HNRNPC: variants seen among roughly 807,000 people sequenced by gnomAD.
The protein encoded by HNRNPC is heterogeneous nuclear ribonucleoproteins C1/C2.
Under a neutral mutation model 33.2 loss-of-function variants are expected in HNRNPC, and 3 were observed. The ratio of observed to expected loss-of-function variants is 0.09; its 90% CI spans 0.04 to 0.23. HNRNPC has a LOEUF of 0.23. HNRNPC is among the 10% of genes least tolerant of loss of function. The probability of loss-of-function intolerance (pLI) is 1.00; values close to 1 mark genes in which losing one functional copy is unlikely to be tolerated. For missense variants in HNRNPC, 143 were observed against 366.7 expected (o/e 0.39, Z 4.98); for synonymous variants, 121 against 126.7 (o/e 0.96, Z 0.30).
At chr14:21,244,742 T>TACCACAC (rs1895766281) in intron 2 of HNRNPC, among the ~76,000 whole-genome samples, 1 of 152,212 alleles carries the variant, frequency 6.6e-6, no homozygotes, top group Non-Finnish European at 1.5e-5. Flanking sequence ...TAGTGTAGCC[T>TACCACAC]ACCACACACC....
At position 21,213,667 on chromosome 14, in the gene HNRNPC, C is replaced by G. The variant is rs1891858701; in HGVS notation, c.366-550G>C. On this transcript the variant is annotated intron_variant, in intron 5 of 8. Transcript: ENST00000553300. Reference sequence around the variant, plus strand: ...ATATAAAATTTCAGATCTATAAAATCAGGGCAATTTCATGTAACTGAGGGA... The same window carrying G: ...ATATAAAATTTCAGATCTATAAAATGAGGGCAATTTCATGTAACTGAGGGA... Among the ~76,000 whole-genome samples, 4 of 152,132 alleles carry G rather than the reference C, an allele frequency of 2.6e-5. 1 individual carries two copies. The highest frequency in any genetic ancestry group is 2.0e-4 in the Admixed American group (3 of 15,276).
At chr14:21,228,510 T>C (rs964576562) in intron 5 of HNRNPC, among the ~76,000 whole-genome samples, 1 of 151,874 alleles carries the variant, frequency 6.6e-6, no homozygotes, top group Admixed American at 6.6e-5. Flanking sequence ...TCCTACATCA[T>C]CCTCCTGAGT....
chr14:21,257,510 C>A (rs748164588), intron 2 of HNRNPC, among the ~76,000 whole-genome samples: 7 of 151,532 alleles, frequency 4.6e-5, no homozygotes, highest in Non-Finnish European at 7.4e-5. Flanking sequence ...TCTTTTTTAA[C>A]CACAAATAAT....
intron 2 of HNRNPC, among the ~76,000 whole-genome samples, chr14:21,242,773 C>A (rs1298755789): frequency 6.6e-6 from 1 of 152,194 alleles, no homozygotes; most frequent in African/African-American, 2.4e-5. Flanking sequence ...CGCATTATCA[C>A]CTACGCATTA....
In HNRNPC at chr14:21,250,209, C is replaced by T. The variant is rs977064883; in HGVS notation, c.-37+13102G>A. Among the ~76,000 whole-genome samples, 7 of 151,618 alleles carry T rather than the reference C, an allele frequency of 4.6e-5. No homozygotes were observed. The East Asian group carries it at 1.4e-3, about 29-fold the overall frequency. The stretch of plus-strand genomic sequence containing the variant: ...CAGAGGTTGCAGTGAGCCGAGATCG[C>T]ACCACTGCACTCCAGCCTGGGCAAC... On this transcript the variant is annotated intron_variant, in intron 2 of 8. Coordinates refer to ENST00000553300, the MANE Select transcript of HNRNPC (RefSeq NM_004500.4).
intron 5 of HNRNPC, among the ~76,000 whole-genome samples, chr14:21,226,771 C>G (rs895964949): frequency 1.3e-5 from 2 of 150,210 alleles, no homozygotes; most frequent in Non-Finnish European, 3.0e-5. Context: ...TCCCAGCTAC[C>G]TGGGAGACTG....
intron 6 of HNRNPC, among the ~76,000 whole-genome samples, chr14:21,212,186 T>G (rs1891684646): frequency 6.6e-6 from 1 of 152,152 alleles, no homozygotes; most frequent in African/African-American, 2.4e-5. Context: ...ACACGTATGA[T>G]CACAGTGAAC....
At chr14:21,255,313 A>G (rs1215407565) in intron 2 of HNRNPC, among the ~76,000 whole-genome samples, 1 of 152,238 alleles carries the variant, frequency 6.6e-6, no homozygotes, top group East Asian at 1.9e-4. Context: ...AACAGGAAGA[A>G]TATTTCAGAC....
chr14:21,247,279 AGC>A (rs757849379), intron 2 of HNRNPC, among the ~76,000 whole-genome samples: 2 of 152,202 alleles, frequency 1.3e-5, no homozygotes, highest in Non-Finnish European at 2.9e-5. Flanking sequence ...ATATAGCTCC[AGC>A]GTTAAGAAAA....
intron 2 of HNRNPC, among the ~76,000 whole-genome samples, chr14:21,243,245 G>A (rs1253990140): frequency 6.6e-6 from 1 of 152,016 alleles, no homozygotes; most frequent in Non-Finnish European, 1.5e-5. Context: ...TATTTTGGTG[G>A]CATGTATTTC....
At chr14:21,233,018 C>T (rs1894284625) in intron 3 of HNRNPC, among the ~76,000 whole-genome samples, 1 of 150,718 alleles carries the variant, frequency 6.6e-6, no homozygotes, top group Non-Finnish European at 1.5e-5. Context: ...TCCTGGACAA[C>T]AGAGCTAGAC....
At chr14:21,216,560 T>G (rs1478230888) in intron 5 of HNRNPC, among the ~76,000 whole-genome samples, 1 of 151,850 alleles carries the variant, frequency 6.6e-6, no homozygotes, top group African/African-American at 2.4e-5. Context: ...ATAGAAAAAA[T>G]TATCCAGGTG....
At chr14:21,253,862 G>A (rs548416037) in intron 2 of HNRNPC, among the ~76,000 whole-genome samples, 111 of 151,886 alleles carry the variant, frequency 7.3e-4, no homozygotes, top group African/African-American at 2.5e-3. Context: ...TCAGCAAATC[G>A]ACACCATCCT....
intron 2 of HNRNPC, among the ~76,000 whole-genome samples, chr14:21,242,396 A>C (rs1304651135): frequency 6.6e-6 from 1 of 152,196 alleles, no homozygotes; most frequent in African/African-American, 2.4e-5. Flanking sequence ...AGCTAGAAGA[A>C]TCGCTTGAAC....
intron 2 of HNRNPC, chr14:21,236,529 G>A (rs1005106701): frequency 4.6e-5 from 7 of 152,106 alleles, no homozygotes; most frequent in Admixed American, 3.3e-4. Flanking sequence ...CATGTGCTGA[G>A]TACCACATTT....
intron 6 of HNRNPC, among the ~76,000 whole-genome samples, chr14:21,212,352 A>C (rs1555349824): frequency 6.6e-6 from 1 of 152,136 alleles, no homozygotes; most frequent in Non-Finnish European, 1.5e-5. Flanking sequence ...GGAGGAGTTC[A>C]ATATAGAAAA....
At chr14:21,249,001 A>G (rs1594296787) in intron 2 of HNRNPC, among the ~76,000 whole-genome samples, 1 of 152,238 alleles carries the variant, frequency 6.6e-6, no homozygotes, top group African/African-American at 2.4e-5. Flanking sequence ...GACGTGGAGG[A>G]GCATAACCAA....
At chr14:21,268,663 T>C (rs1180454112) in intron 1 of HNRNPC, 1 of 152,232 alleles carries the variant, frequency 6.6e-6, no homozygotes. Flanking sequence ...TCAAGTGTTT[T>C]GTAACCTGCA....
In HNRNPC at chr14:21,234,246, A is replaced by G; in HGVS notation, c.-36-17T>C. On this transcript the variant is annotated splice_polypyrimidine_tract_variant and intron_variant, in intron 2 of 8. Coordinates refer to ENST00000553300, the MANE Select transcript of HNRNPC (RefSeq NM_004500.4). ...AGCCGAAAACTGTAAAGCAAAAAAA[A>G]GTATACAGGTGAACAGATGCTAAAA... 2.5e-6 allele frequency: 4 copies of G among 1,594,982 alleles called. No homozygotes were observed. The highest frequency in any genetic ancestry group is 2.6e-6 in the Non-Finnish European group (3 of 1,169,064).
Sources: allele counts gnomAD v4.1 joint callset (sites outside exome capture counted in the v4.1 genomes callset), GRCh38; gene constraint gnomAD v4.1.1; transcripts MANE v1.5; gene names NCBI Gene and HGNC (gene_info 2026-07-23, HGNC 2026-07-21).